ABCB6: variants seen among roughly 807,000 people sequenced by gnomAD.
The protein encoded by ABCB6 is ATP binding cassette subfamily B member 6 (LAN blood group).
Under a neutral mutation model 99.4 loss-of-function variants are expected in ABCB6, and 87 were observed. That is an observed-to-expected ratio of 0.88 (90% CI 0.74 to 1.05). ABCB6 has a LOEUF of 1.05. Among genes scored for constraint, ABCB6 ranks in the 50% least tolerant of loss-of-function variants. The pLI is 0.00. For synonymous variants in ABCB6, 482 were observed against 447.5 expected, an observed-to-expected ratio of 1.08 and a Z score of -0.97; for missense variants, 1,050 against 1,097.9, an observed-to-expected ratio of 0.96 and a Z score of 0.62.
At chr2:219,217,149 A>G (rs1171164976) in intron 2 of ABCB6, among the ~76,000 whole-genome samples, 1 of 151,992 alleles carries the variant, frequency 6.6e-6, no homozygotes, top group Non-Finnish European at 1.5e-5. Context: ...ACCTGAGGTC[A>G]GGAGTTCAAG....
chr2:219,216,858 G>A lies in ABCB6; in HGVS notation c.688-26C>T, dbSNP rs769199890. On this transcript the variant is annotated intron_variant, in intron 2 of 18. Transcript: ENST00000265316. This position sits in a 1 kb window ranked among gnomAD's most constrained non-coding sequence, Gnocchi z 4.2. ...CTAGGATGGTGAAACACGTAGGAAG[G>A]GAGCTCAGAAATCAAGTAAGTGCAC... 1 of 1,591,556 alleles carries A rather than the reference G, an allele frequency of 6.3e-7. No individual in the cohort carries two copies. The highest frequency in any genetic ancestry group is 1.1e-5 in the South Asian group (1 of 88,910).
Position 219,210,471 on chromosome 2 carries a change from G to C in ABCB6, c.2261C>G (p.Thr754Arg). 6.8e-6 allele frequency: 11 copies of C among 1,614,052 alleles called. No individual in the cohort carries two copies. Among genetic ancestry groups the C allele is most frequent in the Non-Finnish European group, 9.3e-6 (11 of 1,179,976 alleles). Reference sequence around the variant, plus strand: ...CTCATTAGATGTATCCAGCGCTGACGTTGCCTATAGAGAGGGTCCAGGTAA... The same window carrying C: ...CTCATTAGATGTATCCAGCGCTGACCTTGCCTATAGAGAGGGTCCAGGTAA... ...APGIILLDEA[T>R]SALDTSNERA... is the part of the protein sequence containing the mutation. Residue 754 changes from threonine (T) to arginine (R), a missense_variant, in exon 17 of 19, where the codon ACG becomes AGG. Thr to Arg is a moderately conservative substitution (Grantham distance 71). Transcript: ENST00000265316.
Position 219,213,010 on chromosome 2 carries a change from G to A in ABCB6, c.1861C>T (p.Leu621=), listed in dbSNP as rs778083436. ...CAAGTGGCTGGGTCTCCTCTCACCA[G>A]GGCAAGTGTCTGTCCAGGCATCACA... ...FTVMPGQTLA[L]VGPSGAGKST... is the part of the protein sequence containing the mutation. The change falls in exon 13 of 19, where the codon CTG becomes TTG. Residue 621 remains leucine, a splice_region_variant and synonymous_variant. Coordinates refer to ENST00000265316, the MANE Select transcript of ABCB6 (RefSeq NM_005689.4). The A allele has an allele frequency of 2.6e-5, 42 of 1,613,858 alleles. No homozygotes were observed. Among genetic ancestry groups the A allele is most frequent in the Admixed American group, 5.0e-5 (3 of 59,992 alleles).
At chr2:219,213,361 C>T (rs1278757554) in intron 11 of ABCB6, 35 bp from the exon 12 acceptor site, 1 of 1,613,930 alleles carries the variant, frequency 6.2e-7, no homozygotes, top group Non-Finnish European at 8.5e-7. Context: ...CTGAGGTTCT[C>T]AGCTTTGTGT....
chr2:219,216,159 G>C lies in ABCB6; in HGVS notation c.992C>G (p.Thr331Ser). 1 of 1,597,092 alleles carries C rather than the reference G, an allele frequency of 6.3e-7. No individual in the cohort carries two copies. Among genetic ancestry groups the C allele is most frequent in the Non-Finnish European group, 8.5e-7 (1 of 1,170,510 alleles). The change falls in exon 5 of 19, where the codon ACC (threonine) becomes AGC (serine). Residue 331 changes from threonine to serine, a missense_variant. Physicochemically the swap from Thr to Ser is moderately conservative, Grantham distance 58. Transcript: ENST00000265316. This position sits in a 1 kb window ranked among gnomAD's most constrained non-coding sequence, Gnocchi z 4.2. ...CTGCTGCACCCGGATCCACAGGAAGGTGCGCAGGTTGCTCACGAAGCCTGC... is the reference window on the plus strand; with the variant it reads ...CTGCTGCACCCGGATCCACAGGAAGCTGCGCAGGTTGCTCACGAAGCCTGC... ...GSTGFVSNLR[T>S]FLWIRVQQFT... is the part of the protein sequence containing the mutation.
rs1459325749 is a variant in ABCB6, at chr2:219,217,831, G to A, written c.550-24C>T. On this transcript the variant is annotated intron_variant, in intron 1 of 18. Coordinates refer to ENST00000265316, the MANE Select transcript of ABCB6 (RefSeq NM_005689.4). ...ACCTAGAATGAAATATAAGTGGAGA[G>A]AGTATCATTGAGGATAAAATTTCAT... 5 of 1,595,162 alleles carry A rather than the reference G, an allele frequency of 3.1e-6. No individual in the cohort carries two copies. The Admixed American group carries it at 5.3e-5, about 17-fold the overall frequency.
rs1950558823 is a variant in ABCB6, at chr2:219,210,232, T to C, written c.2418A>G (p.Gly806=). 1 of 1,613,954 alleles carries C rather than the reference T, an allele frequency of 6.2e-7. No homozygotes were observed. The change falls in exon 18 of 19, where the codon GGA becomes GGG. Residue 806 remains glycine (G), a splice_region_variant and synonymous_variant. Transcript: ENST00000265316. Reference sequence around the variant, plus strand: ...CTTTTGATCTATGTGTCTCTTACCGTCCCCTCTCCACGATGCAGCCATCCT... The same window carrying C: ...CTTTTGATCTATGTGTCTCTTACCGCCCCCTCTCCACGATGCAGCCATCCT... The part of the protein sequence containing the change: ...VIKDGCIVER[G]RHEALLSRGG...
At position 219,218,308 on chromosome 2, in the gene ABCB6, C is replaced by A; in HGVS notation, c.366G>T (p.Leu122=). ...VLESLAGACG[L]WLLVVERSQA... The stretch of plus-strand genomic sequence containing the variant: ...GGCTCCGCTCCACGACAAGCAGCCA[C>A]AGGCCACAGGCGCCGGCCAGACTCT... The change falls in exon 1 of 19, where the codon CTG becomes CTT. Residue 122 remains leucine, a synonymous_variant. Transcript: ENST00000265316. The A allele has an allele frequency of 6.2e-7, 1 of 1,613,306 alleles. No individual in the cohort carries two copies. The highest frequency in any genetic ancestry group is 8.5e-7 in the Non-Finnish European group (1 of 1,180,040).
intron 5 of ABCB6, 158 bp from the exon 6 acceptor site, chr2:219,215,240 G>A: frequency 2.5e-6 from 2 of 816,088 alleles, no homozygotes; most frequent in Non-Finnish European, 1.9e-6. Context: ...AATCAACCAT[G>A]CTCAAACTAC....
chr2:219,210,765 G>C lies in ABCB6; in HGVS notation c.2202C>G (p.Arg734=), dbSNP rs746030949. Residue 734 remains arginine, a synonymous_variant, in exon 16 of 19, where the codon CGC becomes CGG. Coordinates refer to ENST00000265316, the MANE Select transcript of ABCB6 (RefSeq NM_005689.4). The stretch of plus-strand genomic sequence containing the variant: ...TGAGGATGGTGCGGGCAATGGCGAC[G>C]CGCTGCTTCTCCCCGCCGCTCAGCT... The part of the protein sequence containing the change: ...GLKLSGGEKQ[R]VAIARTILKA... 93 of 1,613,628 alleles carry C rather than the reference G, an allele frequency of 5.8e-5. No homozygotes were observed. Among genetic ancestry groups the C allele is most frequent in the Non-Finnish European group, 7.5e-5 (89 of 1,180,014 alleles).
rs773484755 is a variant in ABCB6, at chr2:219,217,707, T to C, written c.650A>G (p.Gln217Arg). Reference protein sequence around the residue: ...PGLRPQSYTLQVHEEDQDVER... With the variant: ...PGLRPQSYTLRVHEEDQDVER... ...CACATCTTGGTCCTCTTCATGAACC[T>C]GCAATGTATAGGACTGGGGACGAAG... Residue 217 changes from glutamine (Q) to arginine (R), a missense_variant, in exon 2 of 19, where the codon CAG (glutamine) becomes CGG (arginine). Physicochemically the swap from Gln to Arg is conservative, Grantham distance 43 (BLOSUM62 1). Transcript: ENST00000265316. The C allele has an allele frequency of 3.7e-6, 6 of 1,613,046 alleles. No homozygotes were observed. The highest frequency in any genetic ancestry group is 1.3e-5 in the African/African-American group (1 of 74,726).
intron 10 of ABCB6, 43 bp from the exon 11 acceptor site, chr2:219,213,545 A>T (rs748727409): frequency 6.2e-7 from 1 of 1,614,116 alleles, no homozygotes. Flanking sequence ...GTAGCCAGGA[A>T]ATAATAATGT....
intron 6 of ABCB6, 23 bp downstream of exon 6, chr2:219,214,938 C>T (rs1384186036): frequency 8.7e-6 from 14 of 1,613,674 alleles, no homozygotes; most frequent in African/African-American, 6.7e-5. Flanking sequence ...TTCAGGGAGA[C>T]GGTGTCTCCC....
Position 219,216,461 on chromosome 2 carries a change from G to C in ABCB6, c.873C>G (p.Asn291Lys). ...LVPIFYRNIV[N>K]LLTEKAPWNS... ...TCCAAGGTGCCTTCTCAGTCAGCAA[G>C]TTCACTGTGGAGGAAACGAGTCAGA... Residue 291 changes from asparagine (N) to lysine (K), a missense_variant, in exon 4 of 19, where the codon AAC becomes AAG. Asn to Lys is a moderately conservative substitution (Grantham distance 94). Coordinates refer to ENST00000265316, the MANE Select transcript of ABCB6 (RefSeq NM_005689.4). The surrounding 1 kb of genome is among the most constrained non-coding windows in gnomAD (Gnocchi z 4.2). The C allele has an allele frequency of 6.2e-7, 1 of 1,613,968 alleles. No individual in the cohort carries two copies. Among genetic ancestry groups the C allele is most frequent in the Admixed American group, 1.7e-5 (1 of 59,994 alleles).
In ABCB6 at chr2:219,216,051, CCT is replaced by C. The variant is rs1447183199; in HGVS notation, c.1098_1099del (p.Glu368GlyfsTer65). On this transcript the variant is annotated frameshift_variant, in exon 5 of 19. Transcript: ENST00000265316. LOFTEE classifies it high-confidence loss of function. This position sits in a 1 kb window ranked among gnomAD's most constrained non-coding sequence, Gnocchi z 4.2. ...CCGATCCGCGATCCGCAGCACCTCC[CCT>C]GTGCGGCGCCCCAGGTGCCAGCGCA... is the stretch of plus-strand genomic sequence containing the variant. 1.2e-6 allele frequency: 2 copies of C among 1,608,212 alleles called. No homozygotes were observed. The highest frequency in any genetic ancestry group is 1.1e-5 in the South Asian group (1 of 90,390).
rs376367309 is a variant in ABCB6, at chr2:219,216,612, T to C, written c.868+40A>G. ...AGGACCATCCCAGCCACCAGGCTGA[T>C]GAAGGACCAGCACACTGAGCTGGTG... On this transcript the variant is annotated intron_variant, in intron 3 of 18. Transcript: ENST00000265316. This position sits in a 1 kb window ranked among gnomAD's most constrained non-coding sequence, Gnocchi z 4.2. 1.3e-6 allele frequency: 2 copies of C among 1,542,940 alleles called. No homozygotes were observed. Among genetic ancestry groups the C allele is most frequent in the African/African-American group, 2.7e-5 (2 of 72,876 alleles).
Position 219,213,947 on chromosome 2 carries a change from A to C in ABCB6, c.1457T>G (p.Leu486Trp). 1 of 1,614,050 alleles carries C rather than the reference A, an allele frequency of 6.2e-7. No homozygotes were observed. Among genetic ancestry groups the C allele is most frequent in the Non-Finnish European group, 8.5e-7 (1 of 1,180,028 alleles). Residue 486 changes from leucine (L) to tryptophan (W), a missense_variant, in exon 9 of 19, where the codon TTG becomes TGG. Physicochemically the swap from Leu to Trp is moderately conservative, Grantham distance 61. Transcript: ENST00000265316. ...CAGTGAAGCGCTCGACTTCCACTCC[A>C]AACCCTGAGGGCAATAACACAGGAA... Reference protein sequence around the residue: ...YREAIIKYQGLEWKSSASLVL... With the variant: ...YREAIIKYQGWEWKSSASLVL...
At chr2:219,218,031 C>T (rs1330649874) in intron 1 of ABCB6, 94 bp downstream of exon 1, 1 of 1,465,794 alleles carries the variant, frequency 6.8e-7, no homozygotes, top group Non-Finnish European at 9.1e-7. Context: ...TGCTTAGAGG[C>T]ATCCTAAAGC....
chr2:219,211,087 A>G lies in ABCB6; in HGVS notation c.1990T>C (p.Ser664Pro). 1 of 1,614,132 alleles carries G rather than the reference A, an allele frequency of 6.2e-7. No homozygotes were observed. Among genetic ancestry groups the G allele is most frequent in the Non-Finnish European group, 8.5e-7 (1 of 1,180,016 alleles). ...ISQVTQASLR[S>P]HIGVVPQDTV... ...TCTTGGGGCACAACTCCAATGTGAG[A>G]CCGGAGAGAGGCCTGGGTCACCTAG... is the stretch of plus-strand genomic sequence containing the variant. The change falls in exon 15 of 19, where the codon TCT becomes CCT. Residue 664 changes from serine to proline, a missense_variant. By Grantham distance (74) the Ser-to-Pro change is moderately conservative. Coordinates refer to ENST00000265316, the MANE Select transcript of ABCB6 (RefSeq NM_005689.4).
Sources: gnomAD v4.1 joint callset for allele counts (sites outside exome capture counted in the v4.1 genomes callset) on GRCh38, gnomAD v4.1.1 for gene constraint, Gnocchi (gnomAD v3.1) non-coding constraint, MANE v1.5 for transcripts, NCBI Gene and HGNC (gene_info 2026-07-23, HGNC 2026-07-21) for gene names.